Variants in SMAP1 observed in about 807,000 individuals in gnomAD.
SMAP1 encodes small ArfGAP 1, also known as stromal membrane-associated protein 1.
SMAP1 carries 24 observed loss-of-function variants against 58.5 expected under a neutral mutation model. The ratio of observed to expected loss-of-function variants is 0.41; its 90% CI spans 0.30 to 0.58. The LOEUF is 0.58. Ranked by LOEUF, SMAP1 falls within the 20% of genes least tolerant of loss-of-function variation. SMAP1 has a pLI of 0.29. For missense variants in SMAP1, 563 were observed against 566.3 expected (o/e 0.99, Z 0.06); for synonymous variants, 216 against 196.6 (o/e 1.10, Z -0.82).
At chr6:70,825,012 A>G (rs1488116679) in intron 6 of SMAP1, among the ~76,000 whole-genome samples, 3 of 152,280 alleles carry the variant, frequency 2.0e-5, no homozygotes, top group East Asian at 3.9e-4. Flanking sequence ...TCACCCTGTC[A>G]TAGAGCTAAT....
In SMAP1 at chr6:70,860,648, A is replaced by T. The variant is rs913683672; in HGVS notation, c.*314A>T. ...AAAATTATAGCTCTAATGTTTGCAT[A>T]TAAGGGAAGTAGTTATCATGTTAGT... On this transcript the variant is annotated 3_prime_UTR_variant, in exon 11 of 11. Coordinates refer to ENST00000370455, the MANE Select transcript of SMAP1 (RefSeq NM_001044305.3). The T allele has an allele frequency of 1.2e-5, 5 of 422,694 alleles. No individual in the cohort carries two copies. Among genetic ancestry groups the T allele is most frequent in the African/African-American group, 1.0e-4 (5 of 49,218 alleles). The allele number at this position is 422,694 out of a possible 1,614,324, so 26.2% of individuals were successfully genotyped here.
chr6:70,794,013 G>A (rs193100123), intron 5 of SMAP1, among the ~76,000 whole-genome samples: 1,694 of 152,250 alleles, frequency 0.011, 20 homozygotes, highest in Middle Eastern at 0.027. Context: ...GATTACAGGC[G>A]TGAGCCACTG....
At chr6:70,749,733 C>T (rs936668993) in intron 2 of SMAP1, among the ~76,000 whole-genome samples, 2 of 152,082 alleles carry the variant, frequency 1.3e-5, no homozygotes, top group South Asian at 2.1e-4. Flanking sequence ...GGCTGTTGTT[C>T]AGGTACTTCT....
chr6:70,774,026 A>C (rs544055009), intron 4 of SMAP1, among the ~76,000 whole-genome samples: 18 of 152,320 alleles, frequency 1.2e-4, no homozygotes, highest in African/African-American at 4.1e-4. Flanking sequence ...ATATATCTGC[A>C]TACACAGATA....
chr6:70,847,869 G>A (rs1771049982), intron 7 of SMAP1, among the ~76,000 whole-genome samples: 2 of 152,068 alleles, frequency 1.3e-5, no homozygotes, highest in African/African-American at 2.4e-5. Context: ...GTGGTCTGAT[G>A]TTCTCTCTCC....
At chr6:70,712,274 A>C (rs1448752258) in intron 1 of SMAP1, among the ~76,000 whole-genome samples, 1 of 152,244 alleles carries the variant, frequency 6.6e-6, no homozygotes, top group African/African-American at 2.4e-5. Flanking sequence ...TATATCCCAG[A>C]GGAAAATCCC....
chr6:70,726,090 A>AT (rs1241941911), intron 1 of SMAP1, among the ~76,000 whole-genome samples: 22 of 152,218 alleles, frequency 1.4e-4, no homozygotes, highest in African/African-American at 5.3e-4. Context: ...TTTTTTCTTT[A>AT]TGTTTTGAGC....
chr6:70,692,607 A>G (rs893549825), intron 1 of SMAP1, among the ~76,000 whole-genome samples: 2 of 152,244 alleles, frequency 1.3e-5, no homozygotes, highest in African/African-American at 4.8e-5. Context: ...GGTGAGAGAT[A>G]CGAGTCAAGT....
At chr6:70,771,698 G>A (rs113761420) in intron 3 of SMAP1, among the ~76,000 whole-genome samples, 7,434 of 152,168 alleles carry the variant, frequency 0.049, 274 homozygotes, top group African/African-American at 0.096. Context: ...GTCCCTTTGC[G>A]CTTCCCGAGT....
At chr6:70,837,103 G>C in intron 7 of SMAP1, 75 bp downstream of exon 7, 1 of 1,123,330 alleles carries the variant, frequency 8.9e-7, no homozygotes. Flanking sequence ...GAATATAATG[G>C]CTTTATCTTG....
rs546081507 is a variant in SMAP1 at position 70,788,090 on chromosome 6, C to T, written c.415-3599C>T. Among the ~76,000 whole-genome samples the T allele has an allele frequency of 2.2e-3, 327 of 151,902 alleles. 4 individuals carry two copies. The highest frequency in any genetic ancestry group is 0.019 in the Admixed American group (292 of 15,252). ...GATAGACTGGATTAAGAAAATGTGG[C>T]GCATATACACCATGGAATACTATGC... On this transcript the variant is annotated intron_variant, in intron 4 of 10. Coordinates refer to ENST00000370455, the MANE Select transcript of SMAP1 (RefSeq NM_001044305.3).
chr6:70,705,849 G>A (rs969309121), intron 1 of SMAP1, among the ~76,000 whole-genome samples: 2 of 152,136 alleles, frequency 1.3e-5, no homozygotes, highest in African/African-American at 4.8e-5. Context: ...GTTTAGAGAG[G>A]CCTATAAAAT....
At chr6:70,711,800 C>CCCG (rs1768068994) in intron 1 of SMAP1, among the ~76,000 whole-genome samples, 1 of 151,996 alleles carries the variant, frequency 6.6e-6, no homozygotes. Flanking sequence ...AATGCTGGGA[C>CCCG]CCGCACCTGG....
At chr6:70,700,776 C>T (rs575105303) in intron 1 of SMAP1, among the ~76,000 whole-genome samples, 1 of 152,218 alleles carries the variant, frequency 6.6e-6, no homozygotes, top group South Asian at 2.1e-4. Flanking sequence ...TTCTACTTGG[C>T]TACTAGCAAG....
chr6:70,860,229 C>G lies in SMAP1; in HGVS notation c.1299C>G (p.Ile433Met), dbSNP rs1452014553. Reference sequence around the variant, plus strand: ...ATCAGCAGATGGCTGGCATGAGTATCAGTAGTGCAACCCCTACTGCAGGTT... The same window carrying G: ...ATCAGCAGATGGCTGGCATGAGTATGAGTAGTGCAACCCCTACTGCAGGTT... ...QMNQQMAGMS[I>M]SSATPTAGFG... Residue 433 changes from isoleucine to methionine, a missense_variant, in exon 11 of 11, where the codon ATC (isoleucine) becomes ATG (methionine). Ile to Met is a conservative substitution (Grantham distance 10). This residue lies in a region of SMAP1 where 494 missense variants were observed against 473.8 expected (regional missense o/e 1.04). Coordinates refer to ENST00000370455, the MANE Select transcript of SMAP1 (RefSeq NM_001044305.3). 6.2e-7 allele frequency: 1 copy of G among 1,612,856 alleles called. No homozygotes were observed. The highest frequency in any genetic ancestry group is 2.2e-5 in the East Asian group (1 of 44,830).
chr6:70,698,539 A>G (rs970788486), intron 1 of SMAP1, among the ~76,000 whole-genome samples: 1 of 152,046 alleles, frequency 6.6e-6, no homozygotes, highest in African/African-American at 2.4e-5. Context: ...CCATTTTAGG[A>G]CTGTTTTCTA....
intron 4 of SMAP1, among the ~76,000 whole-genome samples, chr6:70,777,843 C>T (rs576189207): frequency 1.4e-4 from 21 of 151,930 alleles, no homozygotes; most frequent in African/African-American, 4.8e-4. Context: ...ACCTCCGCCT[C>T]CTGGGTTCAA....
At chr6:70,826,748 T>A (rs763360976) in intron 6 of SMAP1, among the ~76,000 whole-genome samples, 1 of 151,486 alleles carries the variant, frequency 6.6e-6, no homozygotes, top group Non-Finnish European at 1.5e-5. Flanking sequence ...AGAGTGAGGC[T>A]CTGTCTCAAA....
chr6:70,808,930 G>A lies in SMAP1; in HGVS notation c.576+10193G>A, dbSNP rs1005786900. ...TGTGTGTGTGTGTGTGTGTGTGTGT[G>A]TGTGTGTGTGTACACACTTACTGGT... On this transcript the variant is annotated intron_variant, in intron 6 of 10. Coordinates refer to ENST00000370455, the MANE Select transcript of SMAP1 (RefSeq NM_001044305.3). Among the ~76,000 whole-genome samples, 4 of 151,060 alleles carry A rather than the reference G, an allele frequency of 2.6e-5. 1 individual carries two copies. The highest frequency in any genetic ancestry group is 2.6e-4 in the Admixed American group (4 of 15,116).
Sources: allele counts gnomAD v4.1 joint callset (sites outside exome capture counted in the v4.1 genomes callset), GRCh38; gene constraint gnomAD v4.1.1; regional missense constraint gnomAD v4.1.1; transcripts MANE v1.5; gene names NCBI Gene and HGNC (gene_info 2026-07-23, HGNC 2026-07-21).